The following RAB2A variants were observed in gnomAD, a reference collection of about 807,000 sequenced individuals.
RAB2A encodes RAB2A, member RAS oncogene family, also known as ras-related protein Rab-2A.
Under a neutral mutation model 32.5 loss-of-function variants are expected in RAB2A, and 7 were observed. That is an observed-to-expected ratio of 0.22 (90% CI 0.12 to 0.40). The LOEUF is 0.40. RAB2A is among the 10% of genes least tolerant of loss of function. RAB2A has a pLI of 1.00. For missense variants in RAB2A, 108 were observed against 260.7 expected (o/e 0.41, Z 4.03); for synonymous variants, 79 against 85.2 (o/e 0.93, Z 0.40).
At chr8:60,523,958 CT>C (rs1383506547) in intron 1 of RAB2A, among the ~76,000 whole-genome samples, 1 of 152,110 alleles carries the variant, frequency 6.6e-6, no homozygotes, top group Non-Finnish European at 1.5e-5. Context: ...CAAATTTTTG[CT>C]TTATATATAT....
At chr8:60,547,613 G>A (rs1807757113) in intron 1 of RAB2A, among the ~76,000 whole-genome samples, 1 of 122,454 alleles carries the variant, frequency 8.2e-6, no homozygotes, top group African/African-American at 2.9e-5. Flanking sequence ...GGGCAGAGGC[G>A]CCCCTCACCT....
chr8:60,540,137 C>T (rs1025577786), intron 1 of RAB2A, among the ~76,000 whole-genome samples: 3 of 149,354 alleles, frequency 2.0e-5, no homozygotes, highest in Non-Finnish European at 3.0e-5. Flanking sequence ...AATATAGTAG[C>T]GTAGACATAC....
At chr8:60,565,993 G>C (rs1019391703) in intron 2 of RAB2A, among the ~76,000 whole-genome samples, 1 of 152,070 alleles carries the variant, frequency 6.6e-6, no homozygotes, top group Non-Finnish European at 1.5e-5. Flanking sequence ...GATTACAGGC[G>C]TGAGCCACCA....
At chr8:60,547,364 C>T (rs191990747) in intron 1 of RAB2A, among the ~76,000 whole-genome samples, 1,739 of 152,342 alleles carry the variant, frequency 0.011, 16 homozygotes, top group Non-Finnish European at 0.018. Context: ...CTTTCTATTC[C>T]ACAAAACCGC....
intron 2 of RAB2A, among the ~76,000 whole-genome samples, chr8:60,562,402 G>A (rs780898251): frequency 1.8e-4 from 27 of 152,186 alleles, no homozygotes; most frequent in Non-Finnish European, 2.9e-4. Flanking sequence ...CCTGCTGTGT[G>A]TTAAGGGAAA....
At chr8:60,540,656 A>ATTTTTAGTAGAGTTGGGCTT (rs1807630269) in intron 1 of RAB2A, among the ~76,000 whole-genome samples, 2 of 152,116 alleles carry the variant, frequency 1.3e-5, no homozygotes, top group Non-Finnish European at 2.9e-5. Flanking sequence ...ATTTTGTTAC[A>ATTTTTAGTAGAGTTGGGCTT]TTTTTAGTAG....
intron 1 of RAB2A, chr8:60,552,793 T>C (rs1807874975): frequency 6.6e-6 from 1 of 152,324 alleles, no homozygotes; most frequent in South Asian, 2.1e-4. Flanking sequence ...TAGCTGTATA[T>C]GCAAATTTTC....
At chr8:60,576,585 T>A (rs774845143) in intron 3 of RAB2A, among the ~76,000 whole-genome samples, 1 of 152,246 alleles carries the variant, frequency 6.6e-6, no homozygotes, top group Non-Finnish European at 1.5e-5. Context: ...TGCTAAAAGT[T>A]TCTTCTCAGC....
chr8:60,532,539 C>T (rs13276831), intron 1 of RAB2A, among the ~76,000 whole-genome samples: 58,743 of 151,680 alleles, frequency 0.39, 11,471 homozygotes, highest in East Asian at 0.55. Flanking sequence ...AAGATGAAGT[C>T]TTGCTCTGTT....
intron 1 of RAB2A, among the ~76,000 whole-genome samples, chr8:60,556,792 G>C (rs1422146954): frequency 2.6e-5 from 4 of 152,040 alleles, no homozygotes; most frequent in African/African-American, 9.7e-5. Context: ...CTTGTGAAGT[G>C]GGAAAGGGTT....
chr8:60,538,679 G>A (rs1419682876), intron 1 of RAB2A, among the ~76,000 whole-genome samples: 9 of 152,198 alleles, frequency 5.9e-5, no homozygotes, highest in Admixed American at 5.2e-4. Context: ...TCTATGGTGT[G>A]TGTGTGGCCT....
intron 5 of RAB2A, among the ~76,000 whole-genome samples, chr8:60,587,173 T>A (rs1327671313): frequency 6.6e-6 from 1 of 152,146 alleles, no homozygotes; most frequent in East Asian, 1.9e-4. Flanking sequence ...CAGACATAGA[T>A]CAGTAGAGCC....
At chr8:60,548,647 C>A (rs1463810733) in intron 1 of RAB2A, among the ~76,000 whole-genome samples, 3 of 145,898 alleles carry the variant, frequency 2.1e-5, no homozygotes. Context: ...GGGGGCTGAC[C>A]CCCCCACCTC....
chr8:60,596,388 C>T (rs1237504890), intron 6 of RAB2A, among the ~76,000 whole-genome samples: 1 of 152,082 alleles, frequency 6.6e-6, no homozygotes, highest in Non-Finnish European at 1.5e-5. Context: ...AAAAATTTTG[C>T]AATCTATCCA....
chr8:60,605,404 C>T (rs1439114275), intron 6 of RAB2A, among the ~76,000 whole-genome samples: 2 of 152,254 alleles, frequency 1.3e-5, no homozygotes, highest in Non-Finnish European at 2.9e-5. Context: ...AGAGTCCCCA[C>T]TGGGGCACCA....
intron 3 of RAB2A, chr8:60,583,994 G>GACTACATGTGC (rs1451453627): frequency 1.2e-5 from 5 of 412,406 alleles, no homozygotes; most frequent in African/African-American, 4.0e-5. Flanking sequence ...TTGCAGGAGC[G>GACTACATGTGC]ACTACATGTG....
At chr8:60,570,536 A>AAT (rs1249590547) in intron 2 of RAB2A, among the ~76,000 whole-genome samples, 2 of 152,158 alleles carry the variant, frequency 1.3e-5, no homozygotes, top group Non-Finnish European at 2.9e-5. Flanking sequence ...AACAGATATG[A>AAT]ATATATATAT....
intron 6 of RAB2A, among the ~76,000 whole-genome samples, chr8:60,594,557 T>C (rs1428618643): frequency 1.3e-5 from 2 of 152,156 alleles, no homozygotes; most frequent in Non-Finnish European, 2.9e-5. Context: ...TAGGTATATA[T>C]GTGCCATGTT....
At chr8:60,603,038 C>T (rs957384009) in intron 6 of RAB2A, among the ~76,000 whole-genome samples, 1 of 152,132 alleles carries the variant, frequency 6.6e-6, no homozygotes, top group Non-Finnish European at 1.5e-5. Flanking sequence ...AATGACACAT[C>T]CCACTTGTCT....
Sources: allele counts gnomAD v4.1 joint callset (sites outside exome capture counted in the v4.1 genomes callset), GRCh38; gene constraint gnomAD v4.1.1; transcripts MANE v1.5; gene names NCBI Gene and HGNC (gene_info 2026-07-23, HGNC 2026-07-21).